The following KCNN2 variants were observed in gnomAD, a reference collection of about 807,000 sequenced individuals.
The protein encoded by KCNN2 is potassium calcium-activated channel subfamily N member 2.
Under a neutral mutation model 55.5 loss-of-function variants are expected in KCNN2, and 24 were observed. That is an observed-to-expected ratio of 0.43 (90% CI 0.31 to 0.61). KCNN2 has a LOEUF of 0.61. Among genes scored for constraint, KCNN2 ranks in the 20% least tolerant of loss-of-function variants. The pLI is 0.08. For missense variants in KCNN2, 754 were observed against 853.6 expected (o/e 0.88, Z 1.45); for synonymous variants, 431 against 336.1 (o/e 1.28, Z -3.09).
At chr5:114,319,474 A>G (rs1756572350) in intron 2 of KCNN2, among the ~76,000 whole-genome samples, 1 of 152,204 alleles carries the variant, frequency 6.6e-6, no homozygotes, top group African/African-American at 2.4e-5. Context: ...TCTGTCATAT[A>G]TAGCAATTTA....
intron 2 of KCNN2, among the ~76,000 whole-genome samples, chr5:114,394,130 G>A (rs1293782686): frequency 6.6e-6 from 1 of 152,116 alleles, no homozygotes; most frequent in African/African-American, 2.4e-5. Flanking sequence ...TGAGATATGC[G>A]TGAGTACTGT....
At chr5:114,444,602 T>A (rs189342462) in intron 3 of KCNN2, among the ~76,000 whole-genome samples, 101 of 152,208 alleles carry the variant, frequency 6.6e-4, no homozygotes, top group Admixed American at 4.7e-3. Flanking sequence ...TTCCTTGATT[T>A]GAGGGATGAG....
chr5:114,361,904 C>G (rs1026300004), upstream of KCNN2: 1 of 153,294 alleles, frequency 6.5e-6, no homozygotes, highest in African/African-American at 2.4e-5. Context: ...CCCCATCTTT[C>G]TCTGCCACAC....
chr5:114,403,821 G>T (rs1758858898), intron 2 of KCNN2, among the ~76,000 whole-genome samples: 1 of 152,170 alleles, frequency 6.6e-6, no homozygotes, highest in Non-Finnish European at 1.5e-5. Flanking sequence ...AAGATTGAAA[G>T]TAAATGAATA....
At chr5:114,243,173 GA>G (rs1754678819) in intron 2 of KCNN2, among the ~76,000 whole-genome samples, 1 of 152,132 alleles carries the variant, frequency 6.6e-6, no homozygotes, top group South Asian at 2.1e-4. Flanking sequence ...TGGCTTAGAA[GA>G]AAGCCATTTT....
chr5:114,376,102 G>A (rs1757929677), intron 2 of KCNN2, among the ~76,000 whole-genome samples: 2 of 150,702 alleles, frequency 1.3e-5, no homozygotes, highest in Non-Finnish European at 2.9e-5. Flanking sequence ...GTGTCCTTTG[G>A]ATGTTTCTTA....
chr5:114,452,794 G>A (rs1747734386), intron 3 of KCNN2, among the ~76,000 whole-genome samples: 1 of 152,200 alleles, frequency 6.6e-6, no homozygotes, highest in Non-Finnish European at 1.5e-5. Context: ...TCAGCAACAA[G>A]TAAGAGACAC....
intron 2 of KCNN2, among the ~76,000 whole-genome samples, chr5:114,375,477 G>A (rs764038893): frequency 1.3e-5 from 2 of 152,156 alleles, no homozygotes; most frequent in African/African-American, 2.4e-5. Context: ...GAAACTTGCT[G>A]TAAGTCAATT....
intron 2 of KCNN2, among the ~76,000 whole-genome samples, chr5:114,230,105 A>G (rs1389708499): frequency 6.6e-6 from 1 of 152,144 alleles, no homozygotes; most frequent in Admixed American, 6.5e-5. Flanking sequence ...ATTTCTTTTG[A>G]GATATATTAG....
rs2632115 is a variant in KCNN2 at position 114,098,096 on chromosome 5, G to A, written c.-271+41596G>A. 3.1e-3 allele frequency among the ~76,000 whole-genome samples: 468 copies of A among 151,870 alleles called. 1 individual carries two copies. Among genetic ancestry groups the A allele is most frequent in the African/African-American group, 0.011 (452 of 41,404 alleles). On this transcript the variant is annotated intron_variant, in intron 1 of 10. Transcript: ENST00000512097. ...AGTTTCTAGAGGCTGTGCTCCTTCCGTAGCTCATCATCTTTCTTTCCGCTT... is the reference window on the plus strand; with the variant it reads ...AGTTTCTAGAGGCTGTGCTCCTTCCATAGCTCATCATCTTTCTTTCCGCTT...
At chr5:114,453,173 T>C (rs2150106596) in intron 3 of KCNN2, among the ~76,000 whole-genome samples, 1 of 152,298 alleles carries the variant, frequency 6.6e-6, no homozygotes, top group South Asian at 2.1e-4. Context: ...GGAGTCACTC[T>C]GTGTCCCAGG....
At chr5:114,214,508 C>T (rs1753961465) in intron 1 of KCNN2, among the ~76,000 whole-genome samples, 1 of 151,974 alleles carries the variant, frequency 6.6e-6, no homozygotes, top group African/African-American at 2.4e-5. Flanking sequence ...TTCAAAGCCC[C>T]AGAGGAAATA....
chr5:114,221,653 T>G (rs1253244143), intron 2 of KCNN2, among the ~76,000 whole-genome samples: 1 of 152,190 alleles, frequency 6.6e-6, no homozygotes, highest in African/African-American at 2.4e-5. Flanking sequence ...TCAGCTGAAT[T>G]TATTTCAACT....
intron 2 of KCNN2, among the ~76,000 whole-genome samples, chr5:114,240,372 A>G (rs994004011): frequency 6.6e-6 from 1 of 151,680 alleles, no homozygotes; most frequent in Non-Finnish European, 1.5e-5. Context: ...ACATATAAAA[A>G]TCTACTGTTA....
intron 4 of KCNN2, among the ~76,000 whole-genome samples, chr5:114,472,526 G>A (rs910495144): frequency 1.5e-5 from 2 of 137,572 alleles, no homozygotes; most frequent in South Asian, 2.7e-4. Context: ...TTCCTGTTAC[G>A]CTTCCTCTTG....
chr5:114,274,491 T>C (rs2150009836), intron 2 of KCNN2, among the ~76,000 whole-genome samples: 1 of 152,336 alleles, frequency 6.6e-6, no homozygotes, highest in East Asian at 1.9e-4. Flanking sequence ...TTCGATTTGT[T>C]TGTGTCCTCC....
rs938942252 is a variant in KCNN2 at position 114,191,518 on chromosome 5, G to A, written c.-270-29962G>A. Among the ~76,000 whole-genome samples, 14 of 152,124 alleles carry A rather than the reference G, an allele frequency of 9.2e-5. No individual in the cohort carries two copies. In the East Asian group the frequency reaches 1.2e-3, roughly 13 times the overall value. On this transcript the variant is annotated intron_variant, in intron 1 of 10. Transcript: ENST00000512097. The stretch of plus-strand genomic sequence containing the variant: ...AGCATAAGGCATGTGGGAAGAAGTG[G>A]TTCGTTTAAGTAATAAAAAAATTAT...
intron 2 of KCNN2, among the ~76,000 whole-genome samples, chr5:114,256,667 G>A (rs1754989152): frequency 6.6e-6 from 1 of 151,998 alleles, no homozygotes; most frequent in African/African-American, 2.4e-5. Flanking sequence ...CCATTTGTAT[G>A]TCTTCCTTGA....
chr5:114,264,633 A>G (rs1755172650), intron 2 of KCNN2, among the ~76,000 whole-genome samples: 1 of 152,110 alleles, frequency 6.6e-6, no homozygotes, highest in Non-Finnish European at 1.5e-5. Flanking sequence ...TGATTTTAAA[A>G]CATTAAAGAT....
Sources: allele counts gnomAD v4.1 joint callset (sites outside exome capture counted in the v4.1 genomes callset), GRCh38; gene constraint gnomAD v4.1.1; transcripts MANE v1.5; gene names NCBI Gene and HGNC (gene_info 2026-07-23, HGNC 2026-07-21).